ATP13A4: variants seen among roughly 807,000 people sequenced by gnomAD.
The protein encoded by ATP13A4 is probable cation-transporting ATPase 13A4.
ATP13A4 carries 114 observed loss-of-function variants against 142.5 expected under a neutral mutation model. The observed-to-expected ratio is 0.80, with a 90% CI of 0.69 to 0.93. The LOEUF (loss-of-function observed/expected upper bound fraction) is 0.93, where lower values mean the gene tolerates loss of function less well. ATP13A4 is among the 40% of genes least tolerant of loss of function. The pLI, the probability that ATP13A4 is intolerant of heterozygous loss-of-function variation, is 0.00. For missense variants in ATP13A4, 1,392 were observed against 1,454.0 expected (o/e 0.96, Z 0.69); for synonymous variants, 488 against 514.8 (o/e 0.95, Z 0.70).
At chr3:193,572,093 AAAT>A (rs1724279152) in intron 2 of ATP13A4, among the ~76,000 whole-genome samples, 1 of 152,108 alleles carries the variant, frequency 6.6e-6, no homozygotes, top group East Asian at 1.9e-4. Flanking sequence ...AAAACATACA[AAAT>A]AATAATAATA....
chr3:193,527,112 C>A (rs1293187108), intron 1 of ATP13A4, among the ~76,000 whole-genome samples: 1 of 152,142 alleles, frequency 6.6e-6, no homozygotes, highest in Non-Finnish European at 1.5e-5. Flanking sequence ...AAGCAAAAAT[C>A]AGTGGCTGGG....
chr3:193,525,250 A>T (rs1017688638), intron 1 of ATP13A4, among the ~76,000 whole-genome samples: 22 of 152,218 alleles, frequency 1.4e-4, no homozygotes, highest in Non-Finnish European at 2.9e-4. Context: ...AATGTTTAGC[A>T]AACATCTAGT....
At position 193,553,925 on chromosome 3, in the gene ATP13A4, G is replaced by A. The variant is rs561696724; in HGVS notation, c.60+815C>T. Among the ~76,000 whole-genome samples, 16 of 152,296 alleles carry A rather than the reference G, an allele frequency of 1.1e-4. No homozygotes were observed. The South Asian group carries it at 2.5e-3, about 24-fold the overall frequency. On this transcript the variant is annotated intron_variant, in intron 1 of 29. Coordinates refer to ENST00000342695, the MANE Select transcript of ATP13A4 (RefSeq NM_032279.4). The stretch of plus-strand genomic sequence containing the variant: ...TTAAATGCTATTATGGAATGAGAGC[G>A]TCACATTTTAACATTTTAATTACAT...
chr3:193,500,169 G>A (rs1292888856), intron 3 of ATP13A4, among the ~76,000 whole-genome samples: 1 of 152,180 alleles, frequency 6.6e-6, no homozygotes, highest in Non-Finnish European at 1.5e-5. Flanking sequence ...CCAGGAAACA[G>A]CAATTAGGAA....
At chr3:193,526,849 A>T (rs1333866718) in intron 1 of ATP13A4, among the ~76,000 whole-genome samples, 1 of 152,178 alleles carries the variant, frequency 6.6e-6, no homozygotes, top group Non-Finnish European at 1.5e-5. Flanking sequence ...GAATGCTAGC[A>T]GTGTTCTGTC....
intron 25 of ATP13A4, among the ~76,000 whole-genome samples, chr3:193,431,846 C>A (rs1715995404): frequency 1.3e-5 from 2 of 151,478 alleles, no homozygotes; most frequent in Non-Finnish European, 2.9e-5. Context: ...ACATGTTAAA[C>A]ATTTGCAAGT....
At chr3:193,455,480 T>TGAGATAC (rs1345570488) in intron 16 of ATP13A4, among the ~76,000 whole-genome samples, 2 of 151,896 alleles carry the variant, frequency 1.3e-5, no homozygotes, top group East Asian at 3.9e-4. Context: ...AAAACCACAG[T>TGAGATAC]GAGATACCAT....
Position 193,474,761 on chromosome 3 carries a change from AAG to A in ATP13A4, c.809-3770_809-3769del, listed in dbSNP as rs146293166. ...GAAAGAAAGAAAGGAAAAAGAAAGA[AAG>A]AGAAAGAAAGAAAGAAACAGAGAAA... On this transcript the variant is annotated intron_variant, in intron 8 of 29. Coordinates refer to ENST00000342695, the MANE Select transcript of ATP13A4 (RefSeq NM_032279.4). Among the ~76,000 whole-genome samples the A allele has an allele frequency of 6.0e-3, 913 of 151,822 alleles. 17 individuals carry two copies. Among genetic ancestry groups the A allele is most frequent in the African/African-American group, 0.021 (882 of 41,328 alleles).
intron 20 of ATP13A4, 103 bp downstream of exon 20, chr3:193,441,363 G>T: frequency 7.1e-7 from 1 of 1,415,962 alleles, no homozygotes; most frequent in Non-Finnish European, 1.0e-6. Flanking sequence ...AACTCACTGA[G>T]TATATTTTAC....
At chr3:193,525,299 A>C (rs540265257) in intron 1 of ATP13A4, among the ~76,000 whole-genome samples, 1 of 152,332 alleles carries the variant, frequency 6.6e-6, no homozygotes, top group African/African-American at 2.4e-5. Flanking sequence ...CTGAAATCTT[A>C]AGATAATTCT....
intron 2 of ATP13A4, among the ~76,000 whole-genome samples, chr3:193,513,362 C>CCAA (rs1176525729): frequency 1.3e-5 from 2 of 152,142 alleles, no homozygotes; most frequent in Non-Finnish European, 2.9e-5. Flanking sequence ...AGCTAAACTC[C>CCAA]CAACAGAGTT....
intron 2 of ATP13A4, among the ~76,000 whole-genome samples, chr3:193,507,173 T>C (rs1366976072): frequency 6.6e-6 from 1 of 152,170 alleles, no homozygotes; most frequent in African/African-American, 2.4e-5. Context: ...CTCCTGGAGA[T>C]GGATACATTG....
chr3:193,473,784 C>A (rs2108649805), intron 8 of ATP13A4, among the ~76,000 whole-genome samples: 1 of 152,196 alleles, frequency 6.6e-6, no homozygotes, highest in Admixed American at 6.5e-5. Flanking sequence ...AACTGAAGGA[C>A]ATTCTATAAA....
chr3:193,484,096 A>G, intron 7 of ATP13A4, 91 bp from the exon 8 acceptor site: 1 of 1,045,456 alleles, frequency 9.6e-7, no homozygotes, highest in Non-Finnish European at 1.5e-6. Flanking sequence ...AAGATAGAGC[A>G]CTGTCTTACT....
intron 25 of ATP13A4, among the ~76,000 whole-genome samples, chr3:193,426,532 T>C (rs1715676313): frequency 6.6e-6 from 1 of 151,874 alleles, no homozygotes; most frequent in Non-Finnish European, 1.5e-5. Flanking sequence ...TATGAAATTA[T>C]AAGAGTCCCT....
chr3:193,559,058 G>A (rs532174568), upstream of ATP13A4, among the ~76,000 whole-genome samples: 1 of 152,278 alleles, frequency 6.6e-6, no homozygotes, highest in South Asian at 2.1e-4. Context: ...AGGGCCGTGG[G>A]GATGCTGATG....
intron 23 of ATP13A4, 117 bp from the exon 24 acceptor site, chr3:193,435,861 T>A (rs1455335989): frequency 2.2e-6 from 2 of 900,408 alleles, no homozygotes; most frequent in East Asian, 2.6e-5. Context: ...TATACGACTG[T>A]CTGTCTGAAA....
intron 3 of ATP13A4, 81 bp from the exon 4 acceptor site, chr3:193,493,241 GT>G: frequency 2.5e-6 from 3 of 1,188,810 alleles, no homozygotes; most frequent in Non-Finnish European, 3.7e-6. Flanking sequence ...AGAAGCATTT[GT>G]TTGAAAAGCA....
chr3:193,465,009 T>C lies in ATP13A4; in HGVS notation c.1392A>G (p.Arg464=). 1 of 1,614,100 alleles carries C rather than the reference T, an allele frequency of 6.2e-7. No homozygotes were observed. The change falls in exon 12 of 30, where the codon AGA becomes AGG. Residue 464 remains arginine, a synonymous_variant. Transcript: ENST00000342695. ...IIYAQRRLKK[R]GIFCISPQRI... ...TCTGGGGGCTAATGCAGAAGATGCC[T>C]CTCTTCTTCAGCCTCCTCTGGGCAT...
Sources: gnomAD v4.1 joint callset for allele counts (sites outside exome capture counted in the v4.1 genomes callset) on GRCh38, gnomAD v4.1.1 for gene constraint, MANE v1.5 for transcripts, NCBI Gene and HGNC (gene_info 2026-07-23, HGNC 2026-07-21) for gene names.